Variants in TRDN observed in about 807,000 individuals in gnomAD.
TRDN encodes the protein triadin in skeletal muscle.
In TRDN, 161 loss-of-function variants were observed where a neutral mutation model predicts 149.7. That is an observed-to-expected ratio of 1.08 (90% CI 0.95 to 1.23). The LOEUF (loss-of-function observed/expected upper bound fraction) is 1.23. Ranked by LOEUF, TRDN falls within the 50% of genes most tolerant of loss-of-function variation. The probability of loss-of-function intolerance (pLI) is 0.00; values close to 1 mark genes in which losing one functional copy is unlikely to be tolerated. For missense variants in TRDN, 896 were observed against 823.5 expected, an observed-to-expected ratio of 1.09 and a Z score of -1.08; for synonymous variants, 294 against 250.5, an observed-to-expected ratio of 1.17 and a Z score of -1.64.
chr6:123,225,579 T>C lies in TRDN; in HGVS notation c.1976-1448A>G, dbSNP rs74507203. On this transcript the variant is annotated intron_variant, in intron 38 of 40. Coordinates refer to ENST00000334268, the MANE Select transcript of TRDN (RefSeq NM_006073.4). The stretch of plus-strand genomic sequence containing the variant: ...ACAGAATGGTGGTAACTACGTGAGG[T>C]GATGGCCATGTTAATTAGCTTGATT... Among the ~76,000 whole-genome samples, 832 of 151,240 alleles carry C rather than the reference T, an allele frequency of 5.5e-3. 28 individuals are homozygous for C. The South Asian group carries it at 0.077, about 14-fold the overall frequency.
At chr6:123,585,353 G>T (rs1050544003) in intron 1 of TRDN, among the ~76,000 whole-genome samples, 1 of 152,026 alleles carries the variant, frequency 6.6e-6, no homozygotes, top group Non-Finnish European at 1.5e-5. Flanking sequence ...GGACTTTTAA[G>T]AGGTTTAGAA....
intron 9 of TRDN, chr6:123,488,789 CAGAT>C (rs1778083087): frequency 6.7e-6 from 1 of 149,358 alleles, no homozygotes. Flanking sequence ...GTCTGGGAAA[CAGAT>C]AGATTTGGTA....
chr6:123,423,422 T>A (rs1396553372), intron 12 of TRDN, among the ~76,000 whole-genome samples: 1 of 152,168 alleles, frequency 6.6e-6, no homozygotes, highest in Non-Finnish European at 1.5e-5. Context: ...ATTTAAACAT[T>A]TATCAGAGAA....
intron 9 of TRDN, among the ~76,000 whole-genome samples, chr6:123,466,520 C>T (rs184703116): frequency 2.0e-4 from 30 of 151,708 alleles, no homozygotes; most frequent in African/African-American, 6.8e-4. Flanking sequence ...CTCAGATTGC[C>T]TATGCTTAAC....
intron 19 of TRDN, among the ~76,000 whole-genome samples, chr6:123,373,504 C>T (rs1781399349): frequency 6.6e-6 from 1 of 152,112 alleles, no homozygotes; most frequent in African/African-American, 2.4e-5. Flanking sequence ...ATGTACGTCC[C>T]AAGCTTGTCC....
intron 9 of TRDN, among the ~76,000 whole-genome samples, chr6:123,493,285 T>G (rs1021564709): frequency 6.6e-6 from 1 of 152,108 alleles, no homozygotes; most frequent in Non-Finnish European, 1.5e-5. Context: ...TCTTTATAAT[T>G]TATACTGGTT....
Position 123,217,725 on chromosome 6 carries a change from A to C in TRDN, c.*876T>G, listed in dbSNP as rs1775007185. The C allele has an allele frequency of 6.6e-6, 1 of 152,058 alleles. No individual in the cohort carries two copies. Among genetic ancestry groups the C allele is most frequent in the South Asian group, 2.1e-4 (1 of 4,834 alleles). 9.4% of individuals were successfully genotyped at this position (152,058 alleles called of 1,614,324 possible). On this transcript the variant is annotated 3_prime_UTR_variant, in exon 41 of 41. Transcript: ENST00000334268. Reference sequence around the variant, plus strand: ...ACATTTTACTTCACAGAAAGAATGTATTAAAGTGAAATGAAAATATTTTTA... The same window carrying C: ...ACATTTTACTTCACAGAAAGAATGTCTTAAAGTGAAATGAAAATATTTTTA...
chr6:123,424,332 C>T (rs541515976), intron 12 of TRDN, among the ~76,000 whole-genome samples: 1 of 152,256 alleles, frequency 6.6e-6, no homozygotes, highest in African/African-American at 2.4e-5. Context: ...GACATTCACA[C>T]ATCCATGCCT....
At chr6:123,357,092 T>C (rs1318198391) in intron 20 of TRDN, among the ~76,000 whole-genome samples, 2 of 151,926 alleles carry the variant, frequency 1.3e-5, no homozygotes, top group Non-Finnish European at 2.9e-5. Flanking sequence ...CTGATGAATG[T>C]TTCTAAAAGC....
At chr6:123,439,468 C>A (rs937280570) in intron 10 of TRDN, 1 of 152,272 alleles carries the variant, frequency 6.6e-6, no homozygotes. Flanking sequence ...TTTGATGTAG[C>A]TGTTTTTCAT....
At chr6:123,319,824 C>G (rs949389024) in intron 23 of TRDN, among the ~76,000 whole-genome samples, 1 of 152,026 alleles carries the variant, frequency 6.6e-6, no homozygotes, top group African/African-American at 2.4e-5. Flanking sequence ...CTGACTTTTC[C>G]AGGCTGTTGA....
At chr6:123,362,662 A>G (rs1458701957) in intron 20 of TRDN, among the ~76,000 whole-genome samples, 1 of 152,168 alleles carries the variant, frequency 6.6e-6, no homozygotes, top group Non-Finnish European at 1.5e-5. Context: ...TTAATTTTCA[A>G]ACTTCCGTAG....
chr6:123,403,915 G>A (rs1773090265), intron 12 of TRDN, among the ~76,000 whole-genome samples: 1 of 152,076 alleles, frequency 6.6e-6, no homozygotes, highest in Admixed American at 6.6e-5. Flanking sequence ...AGGAAAATGG[G>A]ACAAGATATT....
intron 7 of TRDN, among the ~76,000 whole-genome samples, chr6:123,512,046 G>A (rs1779209842): frequency 6.6e-6 from 1 of 151,292 alleles, no homozygotes; most frequent in African/African-American, 2.4e-5. Flanking sequence ...ACACCAAGGG[G>A]TGAATGAGGG....
At chr6:123,274,210 T>C (rs1217892394) in intron 27 of TRDN, among the ~76,000 whole-genome samples, 2 of 152,114 alleles carry the variant, frequency 1.3e-5, no homozygotes, top group African/African-American at 4.8e-5. Context: ...TCACAATAGA[T>C]GCTTAATAAA....
At chr6:123,341,008 G>T (rs939486036) in intron 21 of TRDN, among the ~76,000 whole-genome samples, 3 of 151,442 alleles carry the variant, frequency 2.0e-5, no homozygotes, top group Non-Finnish European at 4.4e-5. Flanking sequence ...ATTTTAATTC[G>T]AATGCAATTT....
At chr6:123,503,421 A>T in intron 8 of TRDN, 1 of 985,334 alleles carries the variant, frequency 1.0e-6, no homozygotes, top group East Asian at 1.1e-4. Context: ...TAGACATTCC[A>T]TATCTCAAAA....
intron 12 of TRDN, among the ~76,000 whole-genome samples, chr6:123,436,264 T>C (rs1774558018): frequency 6.6e-6 from 1 of 152,102 alleles, no homozygotes; most frequent in Non-Finnish European, 1.5e-5. Flanking sequence ...TTTTCCCTTC[T>C]TATGATAAAA....
intron 38 of TRDN, among the ~76,000 whole-genome samples, chr6:123,237,150 T>C (rs1375529969): frequency 7.0e-6 from 1 of 143,318 alleles, no homozygotes; most frequent in Admixed American, 7.3e-5. Flanking sequence ...TACATAAGTA[T>C]TTCATATTAG....
Sources: gnomAD v4.1 joint callset for allele counts (sites outside exome capture counted in the v4.1 genomes callset) on GRCh38, gnomAD v4.1.1 for gene constraint, MANE v1.5 for transcripts, NCBI Gene and HGNC (gene_info 2026-07-23, HGNC 2026-07-21) for gene names.